The following EDC3 variants were observed in gnomAD, a reference collection of about 807,000 sequenced individuals.
EDC3 encodes the protein enhancer of mRNA decapping 3.
Under a neutral mutation model 41.8 loss-of-function variants are expected in EDC3, and 20 were observed. The observed-to-expected ratio is 0.48, with a 90% CI of 0.34 to 0.70. The LOEUF is 0.70. Ranked by LOEUF, EDC3 falls within the 30% of genes least tolerant of loss-of-function variation. EDC3 has a pLI of 0.01. For synonymous variants in EDC3, 206 were observed against 243.2 expected (o/e 0.85, Z 1.42); for missense variants, 444 against 636.8 (o/e 0.70, Z 3.26).
At chr15:74,667,731 T>C (rs1251837446) in intron 3 of EDC3, among the ~76,000 whole-genome samples, 2 of 152,040 alleles carry the variant, frequency 1.3e-5, no homozygotes, top group African/African-American at 4.8e-5. Context: ...TAAATACCCA[T>C]GAGTACATGC....
chr15:74,681,964 C>T (rs1038004107), intron 1 of EDC3, among the ~76,000 whole-genome samples: 7 of 152,156 alleles, frequency 4.6e-5, no homozygotes, highest in Non-Finnish European at 1.0e-4. Flanking sequence ...GGAGAAAATA[C>T]TTGCAAACCA....
intron 4 of EDC3, among the ~76,000 whole-genome samples, chr15:74,654,784 A>G (rs2062525395): frequency 6.6e-6 from 1 of 151,992 alleles, no homozygotes; most frequent in Non-Finnish European, 1.5e-5. Context: ...TCCTACTATT[A>G]TCTATAAAAA....
chr15:74,658,808 C>T lies in EDC3; in HGVS notation c.485-2740G>A, dbSNP rs1010746727. Among the ~76,000 whole-genome samples the T allele has an allele frequency of 7.2e-5, 11 of 151,970 alleles. No individual in the cohort carries two copies. The South Asian group carries it at 1.0e-3, about 14-fold the overall frequency. On this transcript the variant is annotated intron_variant, in intron 3 of 6. Transcript: ENST00000315127. ...ACAAAAAATTAGCCAGGCATGGTGGCATGCGCCTGTAGTCCCAGCTACTCA... is the reference window on the plus strand; with the variant it reads ...ACAAAAAATTAGCCAGGCATGGTGGTATGCGCCTGTAGTCCCAGCTACTCA...
At chr15:74,645,564 T>TGGGGG (rs60093074) in intron 4 of EDC3, 3 of 76,844 alleles carry the variant, frequency 3.9e-5, no homozygotes, top group African/African-American at 1.5e-4. Context: ...TAAAAAAAGT[T>TGGGGG]GGGGGGGGGG....
intron 3 of EDC3, among the ~76,000 whole-genome samples, chr15:74,661,730 C>CAAAAAA (rs765980886): frequency 6.6e-5 from 7 of 105,586 alleles, no homozygotes; most frequent in East Asian, 2.8e-4. Flanking sequence ...GACTCTGTCT[C>CAAAAAA]AAAAAAAAAA....
intron 2 of EDC3, among the ~76,000 whole-genome samples, chr15:74,672,961 T>C (rs1037716045): frequency 1.6e-4 from 24 of 151,788 alleles, no homozygotes; most frequent in Admixed American, 1.6e-3. Flanking sequence ...GCAGGGGGAA[T>C]GAGTGGCTAA....
At chr15:74,635,677 T>C in intron 5 of EDC3, 51 bp from the exon 6 acceptor site, 1 of 1,528,794 alleles carries the variant, frequency 6.5e-7, no homozygotes, top group Non-Finnish European at 9.0e-7. Flanking sequence ...GCCAATCCCT[T>C]GCACCCTATA....
At chr15:74,635,250 T>C in intron 6 of EDC3, 159 bp downstream of exon 6, 3 of 725,666 alleles carry the variant, frequency 4.1e-6, no homozygotes, top group Non-Finnish European at 2.5e-6. Flanking sequence ...CATAAGGGGA[T>C]GGGAAGTAGT....
At chr15:74,638,770 C>T (rs2062308040) in intron 5 of EDC3, 1 of 152,062 alleles carries the variant, frequency 6.6e-6, no homozygotes, top group African/African-American at 2.4e-5. Context: ...GTGAATGTAA[C>T]CACCATCCAA....
intron 3 of EDC3, among the ~76,000 whole-genome samples, chr15:74,660,053 AAAAAT>A (rs957634901): frequency 2.6e-5 from 4 of 151,358 alleles, no homozygotes; most frequent in Non-Finnish European, 4.4e-5. Flanking sequence ...CAAAAGAAAA[AAAAAT>A]AAAATAAAAT....
At chr15:74,673,737 G>A (rs1039980987) in intron 2 of EDC3, among the ~76,000 whole-genome samples, 2 of 152,040 alleles carry the variant, frequency 1.3e-5, no homozygotes, top group Non-Finnish European at 2.9e-5. Context: ...CTACTCGGGA[G>A]GCTGAGGCAG....
At chr15:74,645,575 G>GGGT (rs1357045991) in intron 4 of EDC3, among the ~76,000 whole-genome samples, 2 of 140,484 alleles carry the variant, frequency 1.4e-5, no homozygotes, top group Non-Finnish European at 3.1e-5. Flanking sequence ...GGGGGGGGGG[G>GGGT]GGTGCCAGGC....
intron 5 of EDC3, chr15:74,637,297 C>T (rs192595596): frequency 7.2e-5 from 11 of 152,304 alleles, no homozygotes; most frequent in African/African-American, 2.4e-4. Flanking sequence ...GACAGCCAGC[C>T]CCAAGAAGCT....
chr15:74,640,473 G>C lies in EDC3; in HGVS notation c.967C>G (p.Pro323Ala), dbSNP rs746525775. The part of the protein sequence containing the change: ...SQMALTLLGG[P>A]NRLNPKNVHQ... ...CAGTTTATAGACATTTACCTGTTAG[G>C]TCCTCCGAGGAGGGTCAGTGCCATC... Residue 323 changes from proline to alanine, a missense_variant, in exon 5 of 7, where the codon CCT becomes GCT. Transcript: ENST00000315127. 2.5e-6 allele frequency: 4 copies of C among 1,613,884 alleles called. No individual in the cohort carries two copies. The highest frequency in any genetic ancestry group is 2.5e-6 in the Non-Finnish European group (3 of 1,179,974).
At position 74,655,508 on chromosome 15, in the gene EDC3, A is replaced by G. The variant is rs987393134; in HGVS notation, c.820+225T>C. 4.9e-4 allele frequency among the ~76,000 whole-genome samples: 75 copies of G among 152,226 alleles called. 1 individual carries two copies. The highest frequency in any genetic ancestry group is 1.7e-3 in the African/African-American group (71 of 41,534). On this transcript the variant is annotated intron_variant, in intron 4 of 6. Transcript: ENST00000315127. ...CTAAATAAGTGGCAGGCCATATCCT[A>G]CCAGATACAGGATATACACAGACAT...
At position 74,661,579 on chromosome 15, in the gene EDC3, A is replaced by G. The variant is rs1048556741; in HGVS notation, c.485-5511T>C. Among the ~76,000 whole-genome samples the G allele has an allele frequency of 4.6e-5, 7 of 151,938 alleles. No individual in the cohort carries two copies. In the South Asian group the frequency reaches 8.3e-4, roughly 18 times the overall value. On this transcript the variant is annotated intron_variant, in intron 3 of 6. Transcript: ENST00000315127. Reference sequence around the variant, plus strand: ...GATTACCTGAGGTCAGAAGTTCGAGACCAGCACTGGGCGTGGTGGAATACA... The same window carrying G: ...GATTACCTGAGGTCAGAAGTTCGAGGCCAGCACTGGGCGTGGTGGAATACA...
chr15:74,676,828 T>C (rs1243187517), intron 1 of EDC3: 1 of 152,114 alleles, frequency 6.6e-6, no homozygotes, highest in Admixed American at 6.6e-5. Context: ...CCCAAAAGGA[T>C]ACTTCACCAA....
At chr15:74,652,680 C>CA (rs2062496005) in intron 4 of EDC3, among the ~76,000 whole-genome samples, 1 of 151,812 alleles carries the variant, frequency 6.6e-6, no homozygotes, top group Admixed American at 6.6e-5. Context: ...CTCATGGGCT[C>CA]AGACGCTCCT....
At chr15:74,690,996 G>C (rs1354538404) in intron 1 of EDC3, among the ~76,000 whole-genome samples, 1 of 152,050 alleles carries the variant, frequency 6.6e-6, no homozygotes, top group Non-Finnish European at 1.5e-5. Context: ...GGAGTTCAAA[G>C]CCAGCCTGGG....
Sources: allele counts gnomAD v4.1 joint callset (sites outside exome capture counted in the v4.1 genomes callset), GRCh38; gene constraint gnomAD v4.1.1; transcripts MANE v1.5; gene names NCBI Gene and HGNC (gene_info 2026-07-23, HGNC 2026-07-21).